The following OPCML variants were observed in gnomAD, a reference collection of about 807,000 sequenced individuals.
OPCML encodes the protein opioid-binding protein/cell adhesion molecule.
OPCML carries 13 observed loss-of-function variants against 37.8 expected under a neutral mutation model. The ratio of observed to expected loss-of-function variants is 0.34; its 90% CI spans 0.22 to 0.55. OPCML has a LOEUF of 0.55. OPCML is among the 20% of genes least tolerant of loss of function. OPCML has a pLI of 0.91. For missense variants in OPCML, 341 were observed against 435.6 expected, an observed-to-expected ratio of 0.78 and a Z score of 1.93; for synonymous variants, 176 against 168.8, an observed-to-expected ratio of 1.04 and a Z score of -0.33.
intron 1 of OPCML, among the ~76,000 whole-genome samples, chr11:133,378,553 T>C (rs963947430): frequency 6.6e-6 from 1 of 152,202 alleles, no homozygotes; most frequent in Non-Finnish European, 1.5e-5. Context: ...TATTTTTACT[T>C]CTACTGACTT....
chr11:132,425,613 G>A (rs975633034), intron 7 of OPCML, among the ~76,000 whole-genome samples: 1 of 152,212 alleles, frequency 6.6e-6, no homozygotes, highest in Non-Finnish European at 1.5e-5. Context: ...ACTAAGGCAA[G>A]AATTGCTAAT....
At chr11:132,656,711 T>C (rs1941725246) in intron 3 of OPCML, among the ~76,000 whole-genome samples, 1 of 152,186 alleles carries the variant, frequency 6.6e-6, no homozygotes, top group African/African-American at 2.4e-5. Flanking sequence ...GCATTATTCG[T>C]CTTTTATCAT....
chr11:132,835,793 C>A (rs1940969203), intron 2 of OPCML, among the ~76,000 whole-genome samples: 1 of 152,208 alleles, frequency 6.6e-6, no homozygotes, highest in Admixed American at 6.5e-5. Context: ...TCTTTCTTCT[C>A]TTTGTCACCT....
At chr11:132,641,991 G>A (rs771507418) in intron 3 of OPCML, among the ~76,000 whole-genome samples, 2 of 152,198 alleles carry the variant, frequency 1.3e-5, no homozygotes, top group Non-Finnish European at 2.9e-5. Flanking sequence ...TGAAACTAGA[G>A]AATAGGCCGA....
intron 2 of OPCML, among the ~76,000 whole-genome samples, chr11:132,879,846 A>T (rs1355758013): frequency 1.3e-5 from 2 of 152,230 alleles, no homozygotes; most frequent in Non-Finnish European, 2.9e-5. Flanking sequence ...AACAAAAAAA[A>T]TACAAACAAA....
At chr11:132,862,853 G>C (rs1033683848) in intron 2 of OPCML, among the ~76,000 whole-genome samples, 4 of 152,164 alleles carry the variant, frequency 2.6e-5, no homozygotes, top group African/African-American at 9.7e-5. Context: ...ACACAAGTGA[G>C]ACCTAAAGTT....
At chr11:132,818,714 A>C (rs1230458576) in intron 2 of OPCML, among the ~76,000 whole-genome samples, 10 of 142,232 alleles carry the variant, frequency 7.0e-5, no homozygotes, top group Non-Finnish European at 1.5e-5. Context: ...GGAGAACCTT[A>C]CTAATACATG....
At chr11:132,898,538 G>T (rs1943933051) in intron 2 of OPCML, among the ~76,000 whole-genome samples, 1 of 152,164 alleles carries the variant, frequency 6.6e-6, no homozygotes, top group African/African-American at 2.4e-5. Flanking sequence ...TTTTGAAGTT[G>T]CAGTTACAGC....
intron 4 of OPCML, among the ~76,000 whole-genome samples, chr11:132,518,522 C>T (rs747335578): frequency 1.3e-5 from 2 of 152,206 alleles, no homozygotes; most frequent in Non-Finnish European, 2.9e-5. Flanking sequence ...AGCTCCAGCA[C>T]ACCTCGGGAC....
chr11:132,757,141 C>A (rs1042510086), intron 2 of OPCML, among the ~76,000 whole-genome samples: 1 of 152,174 alleles, frequency 6.6e-6, no homozygotes. Flanking sequence ...CATCCTTTTT[C>A]ATGGCTACAT....
chr11:133,508,334 T>C (rs1243542429), intron 1 of OPCML, among the ~76,000 whole-genome samples: 1 of 152,222 alleles, frequency 6.6e-6, no homozygotes, highest in African/African-American at 2.4e-5. Context: ...ACTGCTGGTC[T>C]AGGAACCACA....
At chr11:133,028,001 G>C (rs1392911315) in intron 1 of OPCML, among the ~76,000 whole-genome samples, 2 of 151,854 alleles carry the variant, frequency 1.3e-5, no homozygotes, top group Non-Finnish European at 2.9e-5. Flanking sequence ...TTTTTAAAAA[G>C]TTGCTTTCTA....
chr11:132,870,151 T>A lies in OPCML; in HGVS notation c.146+72775A>T, dbSNP rs143727139. 9.1e-4 allele frequency among the ~76,000 whole-genome samples: 138 copies of A among 152,268 alleles called. 1 individual carries two copies. The East Asian group carries it at 0.021, about 23-fold the overall frequency. ...CAGTTTAAGCATAAGAAAGCTGACA[T>A]TGGGAGAATTTAAGTAACTTGCTCA... On this transcript the variant is annotated intron_variant, in intron 2 of 7. Transcript: ENST00000524381.
At chr11:132,858,775 C>T (rs989630593) in intron 2 of OPCML, among the ~76,000 whole-genome samples, 1 of 152,170 alleles carries the variant, frequency 6.6e-6, no homozygotes, top group Non-Finnish European at 1.5e-5. Flanking sequence ...GTGTAAGCCA[C>T]GTTATTATGA....
chr11:133,062,312 T>C (rs1260454585), intron 1 of OPCML, among the ~76,000 whole-genome samples: 6 of 152,200 alleles, frequency 3.9e-5, no homozygotes, highest in Admixed American at 3.3e-4. Flanking sequence ...GAATCCCCGC[T>C]GCACTTCCTT....
At chr11:132,755,820 G>C (rs1163864903) in intron 2 of OPCML, among the ~76,000 whole-genome samples, 1 of 152,174 alleles carries the variant, frequency 6.6e-6, no homozygotes, top group Admixed American at 6.5e-5. Flanking sequence ...ATATTACTGA[G>C]TTACAGTTTT....
At chr11:132,435,115 G>A (rs1218719668) in intron 7 of OPCML, 3 of 1,122,176 alleles carry the variant, frequency 2.7e-6, no homozygotes, top group Non-Finnish European at 3.6e-6. Context: ...CAAAGGCATA[G>A]GCATTCAGGC....
intron 2 of OPCML, among the ~76,000 whole-genome samples, chr11:132,691,678 G>A (rs558537237): frequency 6.6e-6 from 1 of 152,180 alleles, no homozygotes; most frequent in African/African-American, 2.4e-5. Context: ...TTAGCAAATT[G>A]GATGCTATTA....
chr11:133,292,165 A>G lies in OPCML; in HGVS notation c.61+240099T>C, dbSNP rs191482359. Among the ~76,000 whole-genome samples the G allele has an allele frequency of 1.5e-3, 230 of 152,300 alleles. 2 individuals are homozygous for G. Among genetic ancestry groups the G allele is most frequent in the African/African-American group, 5.3e-3 (219 of 41,568 alleles). Reference sequence around the variant, plus strand: ...CATAAGGGCCCTTTCCATCTTTAAAACAGACCATTAAAACACCAGAACACT... The same window carrying G: ...CATAAGGGCCCTTTCCATCTTTAAAGCAGACCATTAAAACACCAGAACACT... On this transcript the variant is annotated intron_variant, in intron 1 of 7. Coordinates refer to ENST00000524381, the MANE Select transcript of OPCML (RefSeq NM_001012393.5).
Sources: allele counts gnomAD v4.1 joint callset (sites outside exome capture counted in the v4.1 genomes callset), GRCh38; gene constraint gnomAD v4.1.1; transcripts MANE v1.5; gene names NCBI Gene and HGNC (gene_info 2026-07-23, HGNC 2026-07-21).